Variants in GNG7 observed in about 807,000 individuals in gnomAD.
The protein encoded by GNG7 is guanine nucleotide-binding protein G(I)/G(S)/G(O) subunit gamma-7.
Under a neutral mutation model 4.0 loss-of-function variants are expected in GNG7, and 1 was observed. The ratio of observed to expected loss-of-function variants is 0.25; its 90% CI spans 0.09 to 1.18. The LOEUF (loss-of-function observed/expected upper bound fraction) is 1.18, where lower values mean the gene tolerates loss of function less well. Among genes scored for constraint, GNG7 ranks in the 50% most tolerant of loss-of-function variants. The probability of loss-of-function intolerance (pLI) is 0.50; values close to 1 mark genes in which losing one functional copy is unlikely to be tolerated. For missense variants in GNG7, 86 were observed against 91.9 expected, an observed-to-expected ratio of 0.94 and a Z score of 0.26; for synonymous variants, 34 against 36.9, an observed-to-expected ratio of 0.92 and a Z score of 0.29.
chr19:2,682,070 C>T (rs770457721), intron 1 of GNG7, among the ~76,000 whole-genome samples: 4 of 152,186 alleles, frequency 2.6e-5, no homozygotes, highest in Middle Eastern at 3.4e-3. Flanking sequence ...CCACCACGCC[C>T]GGCTAATTTT....
intron 2 of GNG7, among the ~76,000 whole-genome samples, chr19:2,593,962 C>T (rs2144804273): frequency 1.3e-5 from 2 of 148,968 alleles, no homozygotes; most frequent in South Asian, 2.1e-4. Flanking sequence ...CCTCATTCAC[C>T]CCAAACCTTC....
chr19:2,596,081 G>A (rs1408307135), intron 2 of GNG7, among the ~76,000 whole-genome samples: 12 of 152,166 alleles, frequency 7.9e-5, no homozygotes, highest in Admixed American at 3.9e-4. Context: ...GTGGGCGGCC[G>A]GGCGCGGTGG....
At chr19:2,610,756 C>T (rs1443871585) in intron 2 of GNG7, 1 of 152,162 alleles carries the variant, frequency 6.6e-6, no homozygotes, top group Non-Finnish European at 1.5e-5. Flanking sequence ...GCTGGGATTG[C>T]AGGCACAAGA....
chr19:2,699,210 G>A (rs1012428335), intron 1 of GNG7, among the ~76,000 whole-genome samples: 5 of 147,588 alleles, frequency 3.4e-5, no homozygotes, highest in African/African-American at 1.3e-4. Context: ...GTGCAGTGGT[G>A]CAATCTCAGC....
chr19:2,602,171 T>C (rs1004764145), intron 2 of GNG7, among the ~76,000 whole-genome samples: 1 of 151,862 alleles, frequency 6.6e-6, no homozygotes, highest in Non-Finnish European at 1.5e-5. Context: ...ACCCCGTCTC[T>C]ACTAAAAATG....
intron 1 of GNG7, among the ~76,000 whole-genome samples, chr19:2,655,396 CCAAAAGA>C (rs1194202640): frequency 6.6e-6 from 1 of 151,888 alleles, no homozygotes; most frequent in Admixed American, 6.6e-5. Flanking sequence ...TGGCTATGAT[CCAAAAGA>C]TAAAAGATAA....
chr19:2,602,922 T>TTTCTTTC (rs1491446709), intron 2 of GNG7, among the ~76,000 whole-genome samples: 13 of 149,222 alleles, frequency 8.7e-5, no homozygotes, highest in African/African-American at 3.3e-4. Context: ...TCTTTCTTTC[T>TTTCTTTC]TTTTGTTTCT....
At position 2,633,738 on chromosome 19, in the gene GNG7, G is replaced by A. The variant is rs1158547365; in HGVS notation, c.-78+12486C>T. ...CTTGAGTGGGAGCTGTAGTAATTCT[G>A]TCCAGAAGAGGACAGAAGCCTGCTC... On this transcript the variant is annotated intron_variant, in intron 2 of 4. Coordinates refer to ENST00000382159, the MANE Select transcript of GNG7 (RefSeq NM_052847.3). This position sits in a 1 kb window ranked among gnomAD's most constrained non-coding sequence, Gnocchi z 5.9. Among the ~76,000 whole-genome samples, 1 of 152,088 alleles carries A rather than the reference G, an allele frequency of 6.6e-6. No homozygotes were observed. Among genetic ancestry groups the A allele is most frequent in the African/African-American group, 2.4e-5 (1 of 41,416 alleles).
At chr19:2,637,003 C>T (rs1159416065) in intron 2 of GNG7, among the ~76,000 whole-genome samples, 1 of 151,964 alleles carries the variant, frequency 6.6e-6, no homozygotes. Flanking sequence ...TCTGTCCCCA[C>T]CTGCACCTCC....
chr19:2,642,897 C>T (rs772470983), intron 2 of GNG7: 2 of 455,050 alleles, frequency 4.4e-6, no homozygotes, highest in South Asian at 3.1e-5. Context: ...CACCTTCCCG[C>T]CCTGCACCAT....
chr19:2,514,929 A>G lies in GNG7; in HGVS notation c.*93T>C. On this transcript the variant is annotated 3_prime_UTR_variant, in exon 5 of 5. Transcript: ENST00000382159. ...GGACTTGAGATGTTTTGTTTGAGCT[A>G]ATTACTGAATGATGCCCTGCCTGAG... 2 of 1,017,622 alleles carry G rather than the reference A, an allele frequency of 2.0e-6. No individual in the cohort carries two copies. Among genetic ancestry groups the G allele is most frequent in the Non-Finnish European group, 1.5e-6 (1 of 669,622 alleles). 63.0% of individuals were successfully genotyped at this position (1,017,622 alleles called of 1,614,324 possible).
At chr19:2,690,648 C>A (rs1039699296) in intron 1 of GNG7, among the ~76,000 whole-genome samples, 5 of 151,910 alleles carry the variant, frequency 3.3e-5, no homozygotes, top group Non-Finnish European at 7.4e-5. Context: ...GGCTGGAGTG[C>A]AGTGGCACAA....
chr19:2,569,645 C>T (rs1980086221), intron 2 of GNG7, among the ~76,000 whole-genome samples: 1 of 152,168 alleles, frequency 6.6e-6, no homozygotes, highest in African/African-American at 2.4e-5. Flanking sequence ...AATAGGGTCT[C>T]TCTTAGCACT....
intron 2 of GNG7, among the ~76,000 whole-genome samples, chr19:2,592,893 G>A (rs562635757): frequency 1.2e-3 from 167 of 139,034 alleles, no homozygotes; most frequent in Middle Eastern, 3.6e-3. Context: ...AGAAGAAAAC[G>A]AAGGAAGGAA....
At chr19:2,537,226 A>G (rs181164906) in intron 3 of GNG7, among the ~76,000 whole-genome samples, 1,699 of 150,982 alleles carry the variant, frequency 0.011, 23 homozygotes, top group African/African-American at 0.039. Flanking sequence ...TGGGATTACA[A>G]GCATGAGCCA....
chr19:2,640,880 T>C (rs1326493945), intron 2 of GNG7, among the ~76,000 whole-genome samples: 1 of 152,162 alleles, frequency 6.6e-6, no homozygotes, highest in Admixed American at 6.5e-5. Context: ...CCTCCCGCCT[T>C]GGCCTCCCAA....
At chr19:2,660,172 T>C (rs939159088) in intron 1 of GNG7, among the ~76,000 whole-genome samples, 2 of 152,286 alleles carry the variant, frequency 1.3e-5, no homozygotes, top group South Asian at 2.1e-4. Flanking sequence ...GTAAATCCCA[T>C]TTGGTGAACG....
intron 1 of GNG7, among the ~76,000 whole-genome samples, chr19:2,678,283 T>C (rs1983643984): frequency 6.6e-6 from 1 of 152,164 alleles, no homozygotes; most frequent in African/African-American, 2.4e-5. Flanking sequence ...GAGCGAGATA[T>C]ACAAGAAGTG....
At chr19:2,648,275 AGT>A (rs1396450838) in intron 1 of GNG7, among the ~76,000 whole-genome samples, 1 of 151,972 alleles carries the variant, frequency 6.6e-6, no homozygotes, top group Non-Finnish European at 1.5e-5. Context: ...GCAAACCTGT[AGT>A]CCCAGCTACT....
Sources: allele counts gnomAD v4.1 joint callset (sites outside exome capture counted in the v4.1 genomes callset), GRCh38; gene constraint gnomAD v4.1.1; non-coding constraint Gnocchi (gnomAD v3.1); transcripts MANE v1.5; gene names NCBI Gene and HGNC (gene_info 2026-07-23, HGNC 2026-07-21).